The following HGF variants were observed in gnomAD, a reference collection of about 807,000 sequenced individuals.
The protein encoded by HGF is fibroblast-derived tumor cytotoxic factor.
In HGF, 39 loss-of-function variants were observed where a neutral mutation model predicts 111.6. The observed-to-expected ratio is 0.35, with a 90% CI of 0.27 to 0.46. The LOEUF is 0.46. Ranked by LOEUF, HGF falls within the 20% of genes least tolerant of loss-of-function variation. HGF has a pLI of 1.00. For missense variants in HGF, 735 were observed against 910.5 expected, an observed-to-expected ratio of 0.81 and a Z score of 2.48; for synonymous variants, 285 against 294.8, an observed-to-expected ratio of 0.97 and a Z score of 0.34.
intron 7 of HGF, among the ~76,000 whole-genome samples, chr7:81,736,972 C>G (rs1425526482): frequency 1.3e-5 from 2 of 149,450 alleles, no homozygotes; most frequent in Admixed American, 6.8e-5. Flanking sequence ...AAAACATTCT[C>G]TTTTGCAGGG....
At chr7:81,741,718 C>A (rs1562890655) in intron 7 of HGF, among the ~76,000 whole-genome samples, 1 of 151,852 alleles carries the variant, frequency 6.6e-6, no homozygotes, top group Non-Finnish European at 1.5e-5. Context: ...GCAGGCAGAT[C>A]ACCTGAGGTC....
In HGF at chr7:81,726,454, T is replaced by A. The variant is rs192080027; in HGVS notation, c.1041-437A>T. ...AAAGGTTATTATCAATAGTAATTAA[T>A]TACTCTCATTTAAAATGGAAGTTCA... is the stretch of plus-strand genomic sequence containing the variant. On this transcript the variant is annotated intron_variant, in intron 8 of 17. Transcript: ENST00000222390. 6.6e-3 allele frequency among the ~76,000 whole-genome samples: 1,002 copies of A among 152,318 alleles called. 6 individuals are homozygous for A. The highest frequency in any genetic ancestry group is 0.036 in the South Asian group (173 of 4,826).
chr7:81,728,490 T>C (rs1043411832), intron 8 of HGF, among the ~76,000 whole-genome samples: 5 of 152,250 alleles, frequency 3.3e-5, no homozygotes, highest in African/African-American at 4.8e-5. Flanking sequence ...TAATATTTTC[T>C]CTGTTTCTTT....
chr7:81,723,837 C>CAT (rs760291290), intron 9 of HGF, among the ~76,000 whole-genome samples: 20 of 150,130 alleles, frequency 1.3e-4, no homozygotes, highest in South Asian at 8.4e-4. Flanking sequence ...TATATATACA[C>CAT]ATATATATAT....
intron 5 of HGF, among the ~76,000 whole-genome samples, chr7:81,746,693 G>A (rs532703338): frequency 1.3e-5 from 2 of 152,202 alleles, no homozygotes; most frequent in East Asian, 1.9e-4. Flanking sequence ...GCTTGTGATA[G>A]TATATTCCTT....
chr7:81,758,878 A>C (rs1788922844), intron 2 of HGF, 74 bp from the exon 3 acceptor site: 4 of 930,034 alleles, frequency 4.3e-6, no homozygotes, highest in Non-Finnish European at 7.0e-6. Flanking sequence ...CATATGGTTC[A>C]TCTTGTCCAT....
In HGF at chr7:81,702,533, T is replaced by G. The variant is rs750490813; in HGVS notation, c.*48A>C. The stretch of plus-strand genomic sequence containing the variant: ...AATTCCACATTCTCTGAAATCTTCA[T>G]GTAAAAGACAGTTGTATTGGTGGGT... On this transcript the variant is annotated 3_prime_UTR_variant, in exon 18 of 18. Transcript: ENST00000222390. The G allele has an allele frequency of 1.0e-5, 15 of 1,429,050 alleles. No homozygotes were observed. In the East Asian group the frequency reaches 3.0e-4, roughly 28 times the overall value. 88.5% of individuals were successfully genotyped at this position (1,429,050 alleles called of 1,614,324 possible).
intron 9 of HGF, among the ~76,000 whole-genome samples, chr7:81,723,490 G>A (rs2115888622): frequency 6.6e-6 from 1 of 151,742 alleles, no homozygotes; most frequent in African/African-American, 2.4e-5. Context: ...TATATTTTAA[G>A]ACTGAAATAA....
In HGF at chr7:81,699,479, T is replaced by C. The variant is rs984928901; in HGVS notation, c.*3102A>G. 3 of 151,698 alleles carry C rather than the reference T, an allele frequency of 2.0e-5. No homozygotes were observed. Among genetic ancestry groups the C allele is most frequent in the Admixed American group, 1.3e-4 (2 of 15,166 alleles). 9.4% of individuals were successfully genotyped at this position (151,698 alleles called of 1,614,324 possible). A position where few individuals can be genotyped will look rare whatever the true frequency, so the allele number is the denominator to read the frequency against. On this transcript the variant is annotated 3_prime_UTR_variant, in exon 18 of 18. Coordinates refer to ENST00000222390, the MANE Select transcript of HGF (RefSeq NM_000601.6). ...GTTTTATTTTTTAAATGAGTTTGCC[T>C]ATATGTATGGGATGTAATTAATTAT... is the stretch of plus-strand genomic sequence containing the variant.
intron 7 of HGF, among the ~76,000 whole-genome samples, chr7:81,737,832 T>C (rs990869504): frequency 2.6e-5 from 4 of 152,164 alleles, no homozygotes; most frequent in Non-Finnish European, 5.9e-5. Context: ...CACAGATAAT[T>C]TGGGCTTCCC....
intron 5 of HGF, among the ~76,000 whole-genome samples, chr7:81,745,451 T>C (rs1174402550): frequency 6.6e-6 from 1 of 152,184 alleles, no homozygotes; most frequent in African/African-American, 2.4e-5. Context: ...ATTTTTCCCG[T>C]GTTGGTCTAA....
chr7:81,729,689 G>A lies in HGF; in HGVS notation c.956C>T (p.Thr319Ile). ...QGEGYRGTVNTIWNGIPCQRW... is the reference protein window; with the variant it reads ...QGEGYRGTVNIIWNGIPCQRW... ...CTGACATGGAATTCCATTCCAAATGGTATTGACAGTGCCCCTGTAGCCTTC... is the reference window on the plus strand; with the variant it reads ...CTGACATGGAATTCCATTCCAAATGATATTGACAGTGCCCCTGTAGCCTTC... The change falls in exon 8 of 18, where the codon ACC becomes ATC. Residue 319 changes from threonine (T) to isoleucine (I), a missense_variant. Physicochemically the swap from Thr to Ile is moderately conservative, Grantham distance 89. This residue lies in a region of HGF where 553 missense variants were observed against 685.6 expected (regional missense o/e 0.81). Transcript: ENST00000222390. 2 of 1,613,276 alleles carry A rather than the reference G, an allele frequency of 1.2e-6. No individual in the cohort carries two copies. The highest frequency in any genetic ancestry group is 1.7e-6 in the Non-Finnish European group (2 of 1,179,330).
chr7:81,733,106 T>C (rs1040873694), intron 7 of HGF, among the ~76,000 whole-genome samples: 1 of 152,090 alleles, frequency 6.6e-6, no homozygotes, highest in Admixed American at 6.6e-5. Context: ...TAGCATATTT[T>C]AAAGCATTTA....
chr7:81,745,450 G>T (rs1332947448), intron 5 of HGF, among the ~76,000 whole-genome samples: 4 of 152,248 alleles, frequency 2.6e-5, no homozygotes, highest in South Asian at 4.1e-4. Context: ...AATTTTTCCC[G>T]TGTTGGTCTA....
intron 11 of HGF, 44 bp downstream of exon 11, chr7:81,717,188 C>A: frequency 6.3e-7 from 1 of 1,587,254 alleles, no homozygotes; most frequent in African/African-American, 1.3e-5. Flanking sequence ...AAATGTAGTA[C>A]ATTTAAAATA....
rs554838290 is a variant in HGF, at chr7:81,701,013, T to G, written c.*1568A>C. 1.3e-5 allele frequency: 2 copies of G among 151,798 alleles called. No homozygotes were observed. Among genetic ancestry groups the G allele is most frequent in the Admixed American group, 1.3e-4 (2 of 15,174 alleles). 9.4% of individuals were successfully genotyped at this position (151,798 alleles called of 1,614,324 possible). A position where few individuals can be genotyped will look rare whatever the true frequency, so the allele number is the denominator to read the frequency against. On this transcript the variant is annotated 3_prime_UTR_variant, in exon 18 of 18. Coordinates refer to ENST00000222390, the MANE Select transcript of HGF (RefSeq NM_000601.6). ...TGGATTCACACCATTCAAAAAATTA[T>G]TTTTAAAGGTGTTTTGTACAGGAAG...
intron 4 of HGF, 134 bp from the exon 5 acceptor site, chr7:81,752,396 C>T: frequency 2.9e-6 from 2 of 698,236 alleles, no homozygotes; most frequent in Admixed American, 2.5e-5. Context: ...ATATATTTTA[C>T]CTTAAAATTC....
chr7:81,720,626 C>A, intron 10 of HGF, 119 bp downstream of exon 10: 1 of 690,690 alleles, frequency 1.4e-6, no homozygotes, highest in Non-Finnish European at 2.6e-6. Context: ...CAATCTAATG[C>A]TTTTATTAGC....
At chr7:81,757,436 A>T in intron 3 of HGF, 133 bp from the exon 4 acceptor site, 1 of 654,444 alleles carries the variant, frequency 1.5e-6, no homozygotes, top group East Asian at 2.7e-5. Context: ...TTTCTTGCCT[A>T]AAGCTTCTAC....
Sources: allele counts gnomAD v4.1 joint callset (sites outside exome capture counted in the v4.1 genomes callset), GRCh38; gene constraint gnomAD v4.1.1; regional missense constraint gnomAD v4.1.1; transcripts MANE v1.5; gene names NCBI Gene and HGNC (gene_info 2026-07-23, HGNC 2026-07-21).